OXR1: variants seen among roughly 807,000 people sequenced by gnomAD.
The protein encoded by OXR1 is oxidation resistance protein 1.
A neutral mutation model predicts 104.6 loss-of-function variants in OXR1; 41 were observed. The observed-to-expected ratio is 0.39, with a 90% CI of 0.31 to 0.51. The LOEUF (loss-of-function observed/expected upper bound fraction) is 0.51. Among genes scored for constraint, OXR1 ranks in the 20% least tolerant of loss-of-function variants. The probability of loss-of-function intolerance (pLI) is 0.77; values close to 1 mark genes in which losing one functional copy is unlikely to be tolerated. For synonymous variants in OXR1, 348 were observed against 348.4 expected (o/e 1.00, Z 0.01); for missense variants, 955 against 1,031.9 (o/e 0.93, Z 1.02).
intron 3 of OXR1, among the ~76,000 whole-genome samples, chr8:106,631,808 G>A (rs1259403418): frequency 2.0e-5 from 3 of 152,158 alleles, no homozygotes; most frequent in Non-Finnish European, 4.4e-5. Context: ...TTTACTTGGA[G>A]AACATATTGC....
chr8:106,470,132 G>A (rs1821408649), intron 2 of OXR1, among the ~76,000 whole-genome samples: 1 of 151,762 alleles, frequency 6.6e-6, no homozygotes, highest in African/African-American at 2.4e-5. Flanking sequence ...GAAGTATCTC[G>A]TGATTGGCCT....
chr8:106,704,986 C>G (rs1185259921), intron 8 of OXR1, among the ~76,000 whole-genome samples: 1 of 152,126 alleles, frequency 6.6e-6, no homozygotes, highest in Admixed American at 6.6e-5. Context: ...TGCTTTTCTT[C>G]TGTCTTATGC....
chr8:106,293,201 C>T (rs1343174942), intron 1 of OXR1, among the ~76,000 whole-genome samples: 2 of 152,226 alleles, frequency 1.3e-5, no homozygotes, highest in Admixed American at 6.5e-5. Flanking sequence ...GCTATCTGGT[C>T]TGTAACAACA....
intron 2 of OXR1, among the ~76,000 whole-genome samples, chr8:106,492,603 T>C (rs1014539726): frequency 6.6e-6 from 1 of 152,150 alleles, no homozygotes; most frequent in African/African-American, 2.4e-5. Context: ...ATGTTTACCA[T>C]TCCCCCCTCC....
intron 3 of OXR1, chr8:106,657,550 C>G (rs1409721422): frequency 1.4e-5 from 2 of 145,508 alleles, no homozygotes; most frequent in African/African-American, 5.0e-5. Context: ...CCTGAAAGTC[C>G]GGTCCGAGCG....
intron 10 of OXR1, among the ~76,000 whole-genome samples, chr8:106,713,560 A>G (rs545099250): frequency 6.6e-6 from 1 of 152,074 alleles, no homozygotes; most frequent in South Asian, 2.1e-4. Flanking sequence ...GAAAAGCTTT[A>G]TAATATACAA....
intron 3 of OXR1, among the ~76,000 whole-genome samples, chr8:106,660,570 GA>G (rs1825659511): frequency 6.6e-6 from 1 of 152,170 alleles, no homozygotes; most frequent in South Asian, 2.1e-4. Flanking sequence ...CCACTAAGAT[GA>G]AAAAGTAGAA....
chr8:106,738,812 A>T (rs1332316219), intron 12 of OXR1, among the ~76,000 whole-genome samples: 1 of 151,942 alleles, frequency 6.6e-6, no homozygotes, highest in African/African-American at 2.4e-5. Context: ...TTAAAAAATA[A>T]ATTTATGAAC....
intron 2 of OXR1, among the ~76,000 whole-genome samples, chr8:106,428,292 G>A (rs900528534): frequency 2.0e-5 from 3 of 152,172 alleles, no homozygotes; most frequent in Non-Finnish European, 4.4e-5. Context: ...CATCTCATCT[G>A]TATTTTCTAC....
intron 1 of OXR1, among the ~76,000 whole-genome samples, chr8:106,281,170 T>G (rs1812264662): frequency 6.6e-6 from 1 of 152,018 alleles, no homozygotes; most frequent in African/African-American, 2.4e-5. Flanking sequence ...TGGTGCCACA[T>G]GAAGAGGGAG....
At chr8:106,672,941 TCTTTC>T (rs1827196771) in intron 3 of OXR1, among the ~76,000 whole-genome samples, 1 of 152,326 alleles carries the variant, frequency 6.6e-6, no homozygotes, top group Admixed American at 6.5e-5. Flanking sequence ...TAGTTAAACC[TCTTTC>T]CTTTCTAAAT....
At chr8:106,670,349 T>A (rs1356045677) in intron 3 of OXR1, among the ~76,000 whole-genome samples, 1 of 152,200 alleles carries the variant, frequency 6.6e-6, no homozygotes, top group East Asian at 1.9e-4. Flanking sequence ...ACATTAATTC[T>A]TTCTGGAGAA....
chr8:106,619,877 T>C (rs1306625453), intron 3 of OXR1, among the ~76,000 whole-genome samples: 1 of 152,098 alleles, frequency 6.6e-6, no homozygotes, highest in African/African-American at 2.4e-5. Flanking sequence ...CCTCTTCCCA[T>C]CCTTCTTACC....
intron 2 of OXR1, among the ~76,000 whole-genome samples, chr8:106,506,333 G>A (rs971781906): frequency 6.6e-6 from 1 of 152,210 alleles, no homozygotes; most frequent in Admixed American, 6.5e-5. Flanking sequence ...GAGAGTTTTG[G>A]CCAGGCGCGG....
intron 3 of OXR1, among the ~76,000 whole-genome samples, chr8:106,639,521 T>C (rs900571959): frequency 6.6e-6 from 1 of 152,184 alleles, no homozygotes; most frequent in Non-Finnish European, 1.5e-5. Flanking sequence ...TATTACCTTT[T>C]TGGTAAGACA....
intron 1 of OXR1, among the ~76,000 whole-genome samples, chr8:106,273,871 T>C (rs1196999682): frequency 3.3e-5 from 5 of 152,244 alleles, no homozygotes. Context: ...GCATGTGAGC[T>C]AAGTAAACAT....
At chr8:106,300,330 C>A (rs186728234) in intron 1 of OXR1, among the ~76,000 whole-genome samples, 66 of 152,038 alleles carry the variant, frequency 4.3e-4, no homozygotes, top group African/African-American at 1.5e-3. Context: ...AATTTGAGTC[C>A]TGCATTTCCC....
intron 1 of OXR1, among the ~76,000 whole-genome samples, chr8:106,337,433 T>G (rs1422018806): frequency 6.6e-6 from 1 of 152,214 alleles, no homozygotes; most frequent in African/African-American, 2.4e-5. Flanking sequence ...GATGATCTAA[T>G]TCAACTTCCT....
intron 2 of OXR1, among the ~76,000 whole-genome samples, chr8:106,497,448 G>T (rs186737629): frequency 1.8e-4 from 27 of 152,182 alleles, no homozygotes; most frequent in Admixed American, 5.9e-4. Flanking sequence ...AATTTTCCCT[G>T]CCTGCCTTGC....
Sources: gnomAD v4.1 joint callset for allele counts (sites outside exome capture counted in the v4.1 genomes callset) on GRCh38, gnomAD v4.1.1 for gene constraint, MANE v1.5 for transcripts, NCBI Gene and HGNC (gene_info 2026-07-23, HGNC 2026-07-21) for gene names.